Variants in SNX24 observed in about 807,000 individuals in gnomAD.
SNX24 encodes the protein sorting nexin-24.
Under a neutral mutation model 28.7 loss-of-function variants are expected in SNX24, and 22 were observed. The ratio of observed to expected loss-of-function variants is 0.77; its 90% CI spans 0.55 to 1.10. SNX24 has a LOEUF of 1.10. Among genes scored for constraint, SNX24 ranks in the 50% least tolerant of loss-of-function variants. SNX24 has a pLI of 0.00. For missense variants in SNX24, 221 were observed against 201.1 expected, an observed-to-expected ratio of 1.10 and a Z score of -0.60; for synonymous variants, 69 against 71.5, an observed-to-expected ratio of 0.96 and a Z score of 0.18.
intron 3 of SNX24, among the ~76,000 whole-genome samples, chr5:122,985,170 A>G (rs764030005): frequency 6.6e-6 from 1 of 152,140 alleles, no homozygotes; most frequent in Non-Finnish European, 1.5e-5. Flanking sequence ...GACCGTGTTT[A>G]TTTATTTCCC....
chr5:123,012,751 G>A (rs187144639), downstream of SNX24, among the ~76,000 whole-genome samples: 8 of 152,210 alleles, frequency 5.3e-5, no homozygotes, highest in Admixed American at 2.0e-4. Context: ...ACTGTCTGTC[G>A]TGGGTGCAGG....
chr5:122,946,382 A>G (rs938480306), intron 3 of SNX24, among the ~76,000 whole-genome samples: 1 of 152,214 alleles, frequency 6.6e-6, no homozygotes, highest in Non-Finnish European at 1.5e-5. Flanking sequence ...AATTTCAATA[A>G]AAAGGTGAAA....
In SNX24 at chr5:122,855,303, C is replaced by T. The variant is rs192966260; in HGVS notation, c.60+9610C>T. Among the ~76,000 whole-genome samples the T allele has an allele frequency of 5.6e-3, 850 of 152,198 alleles. 12 individuals are homozygous for T. The highest frequency in any genetic ancestry group is 0.018 in the African/African-American group (767 of 41,532). On this transcript the variant is annotated intron_variant, in intron 1 of 6. Transcript: ENST00000261369. ...CAGGCTGGTCTCGAACTCCTGACCT[C>T]GTGATCTGCTCGCCTCAGCCTCCCA...
intron 1 of SNX24, among the ~76,000 whole-genome samples, chr5:122,878,309 C>A (rs1756322580): frequency 6.6e-6 from 1 of 151,878 alleles, no homozygotes; most frequent in African/African-American, 2.4e-5. Flanking sequence ...CTAGAGAGGG[C>A]AGAGAGGTCA....
chr5:122,903,683 C>T (rs1757533116), intron 1 of SNX24, among the ~76,000 whole-genome samples: 1 of 152,138 alleles, frequency 6.6e-6, no homozygotes. Context: ...GTTTTGTTTC[C>T]TAATTAACCT....
At chr5:122,860,489 T>C (rs1755409070) in intron 1 of SNX24, among the ~76,000 whole-genome samples, 2 of 152,232 alleles carry the variant, frequency 1.3e-5, no homozygotes, top group South Asian at 2.1e-4. Flanking sequence ...TCTTACTCTA[T>C]CTTTTATTCC....
intron 1 of SNX24, among the ~76,000 whole-genome samples, chr5:122,872,680 G>A (rs1756035856): frequency 6.6e-6 from 1 of 151,718 alleles, no homozygotes; most frequent in Non-Finnish European, 1.5e-5. Flanking sequence ...TATTATTTGG[G>A]GAATAATGAA....
intron 3 of SNX24, among the ~76,000 whole-genome samples, chr5:122,960,938 ACTT>A (rs1319539118): frequency 6.6e-6 from 1 of 152,220 alleles, no homozygotes; most frequent in Non-Finnish European, 1.5e-5. Flanking sequence ...AGTTAGTTTT[ACTT>A]CTTAATGGTG....
chr5:122,923,839 C>G (rs1758555039), intron 1 of SNX24, among the ~76,000 whole-genome samples: 1 of 152,194 alleles, frequency 6.6e-6, no homozygotes, highest in Non-Finnish European at 1.5e-5. Context: ...TACGCTTTAC[C>G]CTTCTTTTGG....
intron 3 of SNX24, among the ~76,000 whole-genome samples, chr5:122,965,730 A>T (rs1034666194): frequency 2.0e-5 from 3 of 152,224 alleles, no homozygotes; most frequent in African/African-American, 7.2e-5. Context: ...TCGGAAATCT[A>T]ATCAAGGAGA....
At chr5:122,946,192 CAT>C in intron 3 of SNX24, 33 bp downstream of exon 3, 2 of 1,189,432 alleles carry the variant, frequency 1.7e-6, no homozygotes, top group Non-Finnish European at 2.5e-6. Context: ...TTTTATATAA[CAT>C]AAATAATCAT....
intron 3 of SNX24, among the ~76,000 whole-genome samples, chr5:122,947,450 A>G (rs866118394): frequency 6.6e-6 from 1 of 152,096 alleles, no homozygotes; most frequent in Admixed American, 6.5e-5. Flanking sequence ...ACAGTGCTCT[A>G]ATAGGAAAGC....
intron 3 of SNX24, among the ~76,000 whole-genome samples, chr5:122,992,513 C>A (rs1348175115): frequency 6.6e-6 from 1 of 152,064 alleles, no homozygotes; most frequent in African/African-American, 2.4e-5. Context: ...TTTCCACAGG[C>A]CTTTGAACAA....
intron 1 of SNX24, among the ~76,000 whole-genome samples, chr5:122,847,502 C>CTCTTTTTTTT (rs1554065805): frequency 1.9e-4 from 25 of 130,794 alleles, no homozygotes; most frequent in South Asian, 4.7e-4. Flanking sequence ...CTCTCTCTCT[C>CTCTTTTTTTT]TTTTTTTTTT....
At chr5:123,015,442 T>G (rs1247164854) in intron 5 of SNX24, among the ~76,000 whole-genome samples, 2 of 152,250 alleles carry the variant, frequency 1.3e-5, no homozygotes, top group Admixed American at 1.3e-4. Context: ...TGTAACTACA[T>G]ATTTGGATGA....
chr5:122,944,758 A>G (rs964488782), intron 2 of SNX24, among the ~76,000 whole-genome samples: 2 of 152,168 alleles, frequency 1.3e-5, no homozygotes, highest in African/African-American at 4.8e-5. Context: ...TCAGCCTAGA[A>G]TGGTTAAGGG....
At chr5:122,905,648 C>T (rs1232021373) in intron 1 of SNX24, among the ~76,000 whole-genome samples, 1 of 152,198 alleles carries the variant, frequency 6.6e-6, no homozygotes, top group African/African-American at 2.4e-5. Context: ...AAAGGATATT[C>T]AGCCTGTAAT....
At chr5:123,010,270 G>A (rs530122176), downstream of SNX24, among the ~76,000 whole-genome samples, 20 of 151,896 alleles carry the variant, frequency 1.3e-4, no homozygotes, top group African/African-American at 4.8e-4. Flanking sequence ...GCTCAGGAAT[G>A]CACATGGGAA....
At chr5:122,912,235 G>A (rs1282591770) in intron 1 of SNX24, among the ~76,000 whole-genome samples, 18 of 135,138 alleles carry the variant, frequency 1.3e-4, no homozygotes, top group East Asian at 7.0e-4. Context: ...TGAAGCAATT[G>A]TGAATGGGAG....
Sources: allele counts gnomAD v4.1 joint callset (sites outside exome capture counted in the v4.1 genomes callset), GRCh38; gene constraint gnomAD v4.1.1; transcripts MANE v1.5; gene names NCBI Gene and HGNC (gene_info 2026-07-23, HGNC 2026-07-21).